STK38: variants seen among roughly 807,000 people sequenced by gnomAD.
STK38 encodes the protein serine/threonine kinase 38.
In STK38, 26 loss-of-function variants were observed where a neutral mutation model predicts 59.0. The observed-to-expected ratio is 0.44, with a 90% CI of 0.32 to 0.61. The LOEUF is 0.61. STK38 is among the 20% of genes least tolerant of loss of function. The probability of loss-of-function intolerance (pLI) is 0.04; values close to 1 mark genes in which losing one functional copy is unlikely to be tolerated. For missense variants in STK38, 433 were observed against 566.0 expected, an observed-to-expected ratio of 0.76 and a Z score of 2.38; for synonymous variants, 175 against 176.6, an observed-to-expected ratio of 0.99 and a Z score of 0.07.
At position 36,515,468 on chromosome 6, in the gene STK38, T is replaced by A; in HGVS notation, c.539A>T (p.Lys180Ile). Residue 180 changes from lysine (K) to isoleucine (I), a missense_variant, in exon 7 of 14, where the codon AAA becomes ATA. By Grantham distance (102) the Lys-to-Ile change is moderately radical. Coordinates refer to ENST00000229812, the MANE Select transcript of STK38 (RefSeq NM_007271.4). ...PGGDMMTLLMKKDTLTEEETQ... is the reference protein window; with the variant it reads ...PGGDMMTLLMIKDTLTEEETQ... ...CTCCTCTTCTGTCAGAGTGTCTTTT[T>A]TCATCAACAAGGTCATCATGTCCCC... is the stretch of plus-strand genomic sequence containing the variant. 1 of 1,613,820 alleles carries A rather than the reference T, an allele frequency of 6.2e-7. No individual in the cohort carries two copies.
intron 1 of STK38, among the ~76,000 whole-genome samples, chr6:36,546,443 G>A (rs1043350653): frequency 3.9e-5 from 6 of 152,164 alleles, no homozygotes; most frequent in Admixed American, 1.3e-4. Flanking sequence ...TTCAGAGGCA[G>A]GGTGAGCTCA....
chr6:36,506,483 ATATG>A, intron 9 of STK38, 96 bp downstream of exon 9: 1 of 1,215,060 alleles, frequency 8.2e-7, no homozygotes, highest in Non-Finnish European at 1.2e-6. Flanking sequence ...AAAGCAAGGG[ATATG>A]TTGCAAATAT....
intron 1 of STK38, among the ~76,000 whole-genome samples, chr6:36,544,064 AAATTATTTAAAAAGC>A (rs575536710): frequency 1.6e-3 from 249 of 152,358 alleles, no homozygotes; most frequent in African/African-American, 5.7e-3. Flanking sequence ...AAAAGCCTTA[AAATTATTTAAAAAGC>A]AATTATTTAA....
chr6:36,529,750 T>C (rs1323496013), intron 2 of STK38, among the ~76,000 whole-genome samples: 1 of 152,198 alleles, frequency 6.6e-6, no homozygotes, highest in Non-Finnish European at 1.5e-5. Context: ...TTTTAAAAAG[T>C]CAGAATGTAT....
At chr6:36,516,249 A>C (rs1167310075) in intron 6 of STK38, among the ~76,000 whole-genome samples, 1 of 152,250 alleles carries the variant, frequency 6.6e-6, no homozygotes, top group African/African-American at 2.4e-5. Flanking sequence ...AGTTTTCTGC[A>C]AAGTCAAAAT....
At chr6:36,527,207 A>AAAAAAAATATAT (rs60162863) in intron 2 of STK38, among the ~76,000 whole-genome samples, 6 of 119,356 alleles carry the variant, frequency 5.0e-5, no homozygotes, top group Admixed American at 1.0e-4. Context: ...AAAAAAAAAA[A>AAAAAAAATATAT]ATATATGTAT....
At chr6:36,499,315 A>G (rs1056532236) in intron 10 of STK38, among the ~76,000 whole-genome samples, 2 of 152,150 alleles carry the variant, frequency 1.3e-5, no homozygotes, top group African/African-American at 4.8e-5. Context: ...CAGACGGTGT[A>G]CGCCCACCTC....
chr6:36,499,279 C>A (rs192164778), intron 10 of STK38, among the ~76,000 whole-genome samples: 6 of 152,292 alleles, frequency 3.9e-5, no homozygotes, highest in African/African-American at 1.4e-4. Flanking sequence ...CAAACACGCA[C>A]ACACCCTATC....
rs776711097 is a variant in STK38 at position 36,498,318 on chromosome 6, A to G, written c.1076+45T>C. ...AGTTTTTAAAAAAATGGAATCATTC[A>G]TATTAAAAAGCTGAGAAAGAAGGTG... is the stretch of plus-strand genomic sequence containing the variant. On this transcript the variant is annotated intron_variant, in intron 11 of 13. Transcript: ENST00000229812. 3.2e-6 allele frequency: 5 copies of G among 1,579,452 alleles called. No homozygotes were observed. The East Asian group carries it at 1.1e-4, about 35-fold the overall frequency.
intron 2 of STK38, among the ~76,000 whole-genome samples, chr6:36,526,213 T>C (rs1777508349): frequency 7.7e-6 from 1 of 129,204 alleles, no homozygotes; most frequent in South Asian, 2.5e-4. Context: ...CTCTCTTGGT[T>C]TTGGGTGTTT....
In STK38 at chr6:36,499,904, C is replaced by T. The variant is rs760927651; in HGVS notation, c.921G>A (p.Ser307=). ...TGYNKLCDWW[S]LGVIMYEMLI... Reference sequence around the variant, plus strand: ...GCATCTCATACATGATCACCCCAAGCGACCACCAATCACAGAGCTTGTTGT... The same window carrying T: ...GCATCTCATACATGATCACCCCAAGTGACCACCAATCACAGAGCTTGTTGT... The change falls in exon 10 of 14, where the codon TCG becomes TCA. Residue 307 remains serine (S), a synonymous_variant. Transcript: ENST00000229812. 4.3e-6 allele frequency: 7 copies of T among 1,613,868 alleles called. No individual in the cohort carries two copies. The highest frequency in any genetic ancestry group is 4.0e-5 in the African/African-American group (3 of 74,902).
At chr6:36,517,626 T>A in intron 6 of STK38, 91 bp downstream of exon 6, 1 of 1,524,188 alleles carries the variant, frequency 6.6e-7, no homozygotes, top group South Asian at 1.3e-5. Flanking sequence ...TGTGAGCACA[T>A]TTAAAAGTAG....
chr6:36,512,690 C>T (rs1175596817), intron 7 of STK38, among the ~76,000 whole-genome samples: 1 of 151,876 alleles, frequency 6.6e-6, no homozygotes, highest in Non-Finnish European at 1.5e-5. Flanking sequence ...GATGGAGTCT[C>T]GCTCTGTTGG....
chr6:36,521,869 A>C, intron 4 of STK38, 52 bp from the exon 5 acceptor site: 1 of 1,406,504 alleles, frequency 7.1e-7, no homozygotes, highest in Non-Finnish European at 9.9e-7. Context: ...TACCAACCTA[A>C]TGCTTTCATG....
chr6:36,514,149 C>T (rs1255768896), intron 7 of STK38, among the ~76,000 whole-genome samples: 4 of 128,186 alleles, frequency 3.1e-5, no homozygotes, highest in African/African-American at 9.3e-5. Flanking sequence ...AGCGAGACTC[C>T]GTCTCAAAAA....
intron 9 of STK38, among the ~76,000 whole-genome samples, 178 bp downstream of exon 9, chr6:36,506,405 T>C (rs2127470309): frequency 6.6e-6 from 1 of 152,326 alleles, no homozygotes; most frequent in Non-Finnish European, 1.5e-5. Context: ...TAATATTACC[T>C]GTCCTCCTTC....
intron 5 of STK38, among the ~76,000 whole-genome samples, chr6:36,520,437 A>G (rs981321598): frequency 6.6e-6 from 1 of 152,226 alleles, no homozygotes; most frequent in African/African-American, 2.4e-5. Flanking sequence ...TTTGTTTTGC[A>G]GTATTACTCT....
chr6:36,495,783 A>G lies in STK38; in HGVS notation c.*1T>C, dbSNP rs1776687469. On this transcript the variant is annotated 3_prime_UTR_variant, in exon 14 of 14. Transcript: ENST00000229812. ...CCACATAGGATTCCGTGGCAAGAGTACTATTTTGCTGCTTTCATGTAGGAA... is the reference window on the plus strand; with the variant it reads ...CCACATAGGATTCCGTGGCAAGAGTGCTATTTTGCTGCTTTCATGTAGGAA... 1 of 1,613,732 alleles carries G rather than the reference A, an allele frequency of 6.2e-7. No homozygotes were observed. Among genetic ancestry groups the G allele is most frequent in the South Asian group, 1.1e-5 (1 of 91,084 alleles).
Position 36,515,419 on chromosome 6 carries a change from T to C in STK38, c.588A>G (p.Thr196=), listed in dbSNP as rs1375191924. Residue 196 remains threonine, a synonymous_variant, in exon 7 of 14, where the codon ACA becomes ACG. Transcript: ENST00000229812. ...EEETQFYIAE[T]VLAIDSIHQL... Reference sequence around the variant, plus strand: ...GGTGAATAGAGTCTATGGCTAATACTGTTTCTGCTATATAAAACTGAGTCT... The same window carrying C: ...GGTGAATAGAGTCTATGGCTAATACCGTTTCTGCTATATAAAACTGAGTCT... The C allele has an allele frequency of 4.3e-6, 7 of 1,614,040 alleles. No homozygotes were observed. Among genetic ancestry groups the C allele is most frequent in the East Asian group, 2.2e-5 (1 of 44,892 alleles).
Sources: allele counts gnomAD v4.1 joint callset (sites outside exome capture counted in the v4.1 genomes callset), GRCh38; gene constraint gnomAD v4.1.1; transcripts MANE v1.5; gene names NCBI Gene and HGNC (gene_info 2026-07-23, HGNC 2026-07-21).